Variants in EPRS1 observed in about 807,000 individuals in gnomAD.
EPRS1 encodes the protein bifunctional glutamate/proline--tRNA ligase.
A neutral mutation model predicts 188.3 loss-of-function variants in EPRS1; 107 were observed. That is an observed-to-expected ratio of 0.57 (90% CI 0.49 to 0.67). The LOEUF (loss-of-function observed/expected upper bound fraction) is 0.67. EPRS1 is among the 30% of genes least tolerant of loss of function. The pLI, the probability that EPRS1 is intolerant of heterozygous loss-of-function variation, is 0.00. For missense variants in EPRS1, 1,577 were observed against 1,802.2 expected, an observed-to-expected ratio of 0.88 and a Z score of 2.26; for synonymous variants, 596 against 593.1, an observed-to-expected ratio of 1.00 and a Z score of -0.07.
chr1:220,026,650 C>A (rs955136506), intron 6 of EPRS1, among the ~76,000 whole-genome samples: 1 of 151,838 alleles, frequency 6.6e-6, no homozygotes, highest in Non-Finnish European at 1.5e-5. Flanking sequence ...CCTACCTCAG[C>A]CTCCCAAGTA....
At chr1:220,003,968 C>T (rs532419853) in intron 16 of EPRS1, among the ~76,000 whole-genome samples, 42 of 152,194 alleles carry the variant, frequency 2.8e-4, no homozygotes, top group South Asian at 1.0e-3. Flanking sequence ...CAAGAGACGC[C>T]GTAACATGAA....
chr1:220,002,532 A>G (rs1661379774), intron 16 of EPRS1, among the ~76,000 whole-genome samples: 2 of 152,266 alleles, frequency 1.3e-5, no homozygotes, highest in South Asian at 4.1e-4. Flanking sequence ...TCTGCTTATA[A>G]GCAGAAAAAT....
rs766281610 is a variant in EPRS1 at position 219,968,875 on chromosome 1, C to A, written c.4470G>T (p.Gln1490His). 3.7e-6 allele frequency: 6 copies of A among 1,614,142 alleles called. No individual in the cohort carries two copies. In the East Asian group the frequency reaches 8.9e-5, roughly 24 times the overall value. ...CIPFKPLCELQPGAKCVCGKN... is the reference protein window; with the variant it reads ...CIPFKPLCELHPGAKCVCGKN... ...TGCCACAGACACATTTGGCTCCAGG[C>A]TGCAGTTCACAGAGTGGTTTGAAGG... The change falls in exon 32 of 32, where the codon CAG becomes CAT. Residue 1490 changes from glutamine (Q) to histidine (H), a missense_variant. Around this residue, in one of 3 missense-constraint regions of EPRS1, gnomAD observed 296 missense variants for 327.9 expected, o/e 0.90. Transcript: ENST00000366923.
At chr1:219,975,058 T>C (rs7535773) in intron 28 of EPRS1, among the ~76,000 whole-genome samples, 69,760 of 151,744 alleles carry the variant, frequency 0.46, 16,092 homozygotes, top group South Asian at 0.52. Context: ...TCATAAATGA[T>C]AATGAAAGTC....
chr1:219,974,611 T>A (rs1489754034), intron 28 of EPRS1, among the ~76,000 whole-genome samples: 1 of 152,084 alleles, frequency 6.6e-6, no homozygotes, highest in Non-Finnish European at 1.5e-5. Flanking sequence ...ATAGGAAAAA[T>A]TTTAAATATT....
intron 3 of EPRS1, among the ~76,000 whole-genome samples, chr1:220,034,130 G>A (rs1387481607): frequency 6.6e-6 from 1 of 152,158 alleles, no homozygotes; most frequent in African/African-American, 2.4e-5. Context: ...CTAAAAAGCA[G>A]TACTGTCATC....
At chr1:219,984,751 A>C (rs1660971762) in intron 20 of EPRS1, among the ~76,000 whole-genome samples, 1 of 152,100 alleles carries the variant, frequency 6.6e-6, no homozygotes, top group African/African-American at 2.4e-5. Context: ...ACCTAAAAAA[A>C]CAGTAGAAAT....
chr1:220,022,235 T>C (rs1386608740), intron 9 of EPRS1, 112 bp downstream of exon 9: 3 of 912,140 alleles, frequency 3.3e-6, no homozygotes, highest in Non-Finnish European at 3.4e-6. Context: ...AGTGAACCCA[T>C]GGATGAACAA....
intron 1 of EPRS1, among the ~76,000 whole-genome samples, chr1:220,045,517 A>G (rs1337424674): frequency 6.6e-6 from 1 of 152,208 alleles, no homozygotes; most frequent in Non-Finnish European, 1.5e-5. Context: ...AAAGAAAAAA[A>G]AAAATCGGCA....
chr1:219,980,438 A>G (rs1660872587), intron 25 of EPRS1, among the ~76,000 whole-genome samples, 198 bp from the exon 26 acceptor site: 1 of 152,216 alleles, frequency 6.6e-6, no homozygotes, highest in Non-Finnish European at 1.5e-5. Flanking sequence ...AAAGAAGTCA[A>G]ATAACTTTTT....
intron 12 of EPRS1, among the ~76,000 whole-genome samples, chr1:220,015,620 G>A (rs1661687508): frequency 6.6e-6 from 1 of 152,152 alleles, no homozygotes; most frequent in South Asian, 2.1e-4. Flanking sequence ...TTCTTCCAAT[G>A]ATGCGGATGA....
At chr1:220,014,998 C>T (rs1386043598) in intron 12 of EPRS1, among the ~76,000 whole-genome samples, 1 of 152,046 alleles carries the variant, frequency 6.6e-6, no homozygotes, top group Non-Finnish European at 1.5e-5. Context: ...ACTATAGTAG[C>T]ATAAATAAAA....
chr1:219,986,779 A>ATG (rs777807074), intron 20 of EPRS1, among the ~76,000 whole-genome samples: 294 of 81,832 alleles, frequency 3.6e-3, no homozygotes, highest in Admixed American at 5.6e-3. Context: ...GAGAGAAAAT[A>ATG]TGTATGTGTG....
At chr1:220,038,454 G>A (rs559508969) in intron 2 of EPRS1, among the ~76,000 whole-genome samples, 3 of 137,784 alleles carry the variant, frequency 2.2e-5, no homozygotes, top group South Asian at 2.3e-4. Flanking sequence ...GCAGTGGTGC[G>A]ATCCTGGCTC....
At chr1:219,982,956 A>C in intron 22 of EPRS1, 112 bp from the exon 23 acceptor site, 1 of 953,764 alleles carries the variant, frequency 1.0e-6, no homozygotes, top group Non-Finnish European at 1.7e-6. Context: ...AATTTAGGCA[A>C]GTTAAAATAG....
chr1:220,037,310 G>C (rs1385650141), intron 2 of EPRS1, among the ~76,000 whole-genome samples: 2 of 152,034 alleles, frequency 1.3e-5, no homozygotes, highest in Non-Finnish European at 2.9e-5. Flanking sequence ...TTCCAGACCA[G>C]CCTGGACAAC....
At chr1:219,991,396 A>G (rs1320707823) in intron 18 of EPRS1, among the ~76,000 whole-genome samples, 3 of 152,158 alleles carry the variant, frequency 2.0e-5, no homozygotes, top group African/African-American at 4.8e-5. Context: ...CCTTACTAGC[A>G]TATCTAAGAG....
At chr1:220,029,454 T>G (rs949473320) in intron 6 of EPRS1, among the ~76,000 whole-genome samples, 3 of 152,246 alleles carry the variant, frequency 2.0e-5, no homozygotes, top group Non-Finnish European at 4.4e-5. Context: ...TGAAATAGTT[T>G]GTGAAGAAGT....
At chr1:219,992,034 A>C (rs1373029125) in intron 18 of EPRS1, among the ~76,000 whole-genome samples, 1 of 152,208 alleles carries the variant, frequency 6.6e-6, no homozygotes, top group Admixed American at 6.5e-5. Context: ...ATCAAGAAAA[A>C]GATAGGCTTT....
Sources: allele counts gnomAD v4.1 joint callset (sites outside exome capture counted in the v4.1 genomes callset), GRCh38; gene constraint gnomAD v4.1.1; regional missense constraint gnomAD v4.1.1; transcripts MANE v1.5; gene names NCBI Gene and HGNC (gene_info 2026-07-23, HGNC 2026-07-21).